Variants in MED12L observed in about 807,000 individuals in gnomAD.
The protein encoded by MED12L is mediator of RNA polymerase II transcription subunit 12-like protein.
A neutral mutation model predicts 281.3 loss-of-function variants in MED12L; 60 were observed. The ratio of observed to expected loss-of-function variants is 0.21; its 90% CI spans 0.17 to 0.26. MED12L has a LOEUF of 0.26. MED12L is among the 10% of genes least tolerant of loss of function. The probability of loss-of-function intolerance (pLI) is 1.00; values close to 1 mark genes in which losing one functional copy is unlikely to be tolerated. For missense variants in MED12L, 2,146 were observed against 2,680.9 expected (o/e 0.80, Z 4.41); for synonymous variants, 974 against 987.2 (o/e 0.99, Z 0.25).
At chr3:151,351,071 G>A (rs914585357) in intron 17 of MED12L, among the ~76,000 whole-genome samples, 11 of 152,068 alleles carry the variant, frequency 7.2e-5, no homozygotes, top group Non-Finnish European at 1.0e-4. Context: ...CCTGCACGTG[G>A]TATAAACCAC....
At chr3:151,235,285 TG>T (rs1161646113) in intron 16 of MED12L, among the ~76,000 whole-genome samples, 2 of 152,214 alleles carry the variant, frequency 1.3e-5, no homozygotes, top group Non-Finnish European at 2.9e-5. Flanking sequence ...TGTAAACTGA[TG>T]GGGGCAGGGC....
intron 43 of MED12L, among the ~76,000 whole-genome samples, chr3:151,422,956 T>TTC (rs1308115730): frequency 6.7e-6 from 1 of 149,144 alleles, no homozygotes; most frequent in Non-Finnish European, 1.5e-5. Flanking sequence ...GAACTAGGTT[T>TTC]TTTTTTTTTA....
rs1755443433 is a variant in MED12L, at chr3:151,367,605, A to G, written c.3328-41A>G. 6 of 1,546,670 alleles carry G rather than the reference A, an allele frequency of 3.9e-6. No homozygotes were observed. The East Asian group carries it at 1.4e-4, about 36-fold the overall frequency. On this transcript the variant is annotated intron_variant, in intron 23 of 44. Coordinates refer to ENST00000687756, the MANE Select transcript of MED12L (RefSeq NM_001393769.1). ...TTATTAATCTTAGATACTGCTTACA[A>G]GGTTGTTAGGTATTAAAACCTGTCA...
rs149610114 is a variant in MED12L at position 151,250,788 on chromosome 3, G to A, written c.2250+57122G>A. Among the ~76,000 whole-genome samples, 594 of 152,270 alleles carry A rather than the reference G, an allele frequency of 3.9e-3. 5 individuals carry two copies. Among genetic ancestry groups the A allele is most frequent in the African/African-American group, 0.014 (577 of 41,552 alleles). On this transcript the variant is annotated intron_variant, in intron 16 of 44. Coordinates refer to ENST00000687756, the MANE Select transcript of MED12L (RefSeq NM_001393769.1). Reference sequence around the variant, plus strand: ...AGTTCTTTTGGTTATGTGCCCAGAAGCAAAATTGCTGGATCATGTGGTAAT... The same window carrying A: ...AGTTCTTTTGGTTATGTGCCCAGAAACAAAATTGCTGGATCATGTGGTAAT...
intron 5 of MED12L, 115 bp from the exon 6 acceptor site, chr3:151,156,046 A>G (rs1719231617): frequency 1.4e-5 from 12 of 851,354 alleles, no homozygotes; most frequent in Admixed American, 3.0e-5. Flanking sequence ...ATTTTTAGGG[A>G]GCAGATGTTT....
intron 11 of MED12L, among the ~76,000 whole-genome samples, chr3:151,180,607 G>A (rs1309120529): frequency 6.6e-6 from 1 of 152,194 alleles, no homozygotes; most frequent in East Asian, 1.9e-4. Flanking sequence ...AACCCCAGTG[G>A]TGACATCTGG....
intron 32 of MED12L, among the ~76,000 whole-genome samples, chr3:151,381,251 C>A (rs1712286091): frequency 6.6e-6 from 1 of 152,156 alleles, no homozygotes; most frequent in Admixed American, 6.5e-5. Flanking sequence ...TGGACATGGA[C>A]AAGGACACTT....
At position 151,085,726 on chromosome 3, in the gene MED12L, G is replaced by A. The variant is rs904366510; in HGVS notation, c.-340G>A. 2 of 152,056 alleles carry A rather than the reference G, an allele frequency of 1.3e-5. No individual in the cohort carries two copies. The highest frequency in any genetic ancestry group is 2.9e-5 in the Non-Finnish European group (2 of 67,978). 9.4% of individuals were successfully genotyped at this position (152,056 alleles called of 1,614,324 possible). A position where few individuals can be genotyped will look rare whatever the true frequency, so the allele number is the denominator to read the frequency against. On this transcript the variant is annotated 5_prime_UTR_variant, in exon 1 of 45. An upstream open reading frame in the 5' UTR gains an earlier in-frame stop. Coordinates refer to ENST00000687756, the MANE Select transcript of MED12L (RefSeq NM_001393769.1). ...CGGAAGCTCGCGCTCCCGGGCCGTGGGGGCGAGAACGCCGGCGGCGAGCCG... is the reference window on the plus strand; with the variant it reads ...CGGAAGCTCGCGCTCCCGGGCCGTGAGGGCGAGAACGCCGGCGGCGAGCCG...
chr3:151,319,091 C>T (rs1214734537), intron 16 of MED12L, among the ~76,000 whole-genome samples: 1 of 152,120 alleles, frequency 6.6e-6, no homozygotes, highest in African/African-American at 2.4e-5. Flanking sequence ...ATGCGTTAGT[C>T]TTAAAGTATA....
intron 22 of MED12L, among the ~76,000 whole-genome samples, 162 bp from the exon 23 acceptor site, chr3:151,365,688 C>G (rs898795778): frequency 7.9e-5 from 12 of 152,186 alleles, no homozygotes; most frequent in Non-Finnish European, 1.6e-4. Context: ...TTATCTTCTT[C>G]TCAAGGTTCT....
intron 16 of MED12L, among the ~76,000 whole-genome samples, chr3:151,231,252 C>A (rs1461787031): frequency 6.6e-6 from 1 of 152,204 alleles, no homozygotes; most frequent in Non-Finnish European, 1.5e-5. Flanking sequence ...ATTTTGCAAC[C>A]TCAGTGTGAT....
chr3:151,277,644 G>A (rs1441624384), intron 16 of MED12L, among the ~76,000 whole-genome samples: 1 of 152,160 alleles, frequency 6.6e-6, no homozygotes, highest in Non-Finnish European at 1.5e-5. Flanking sequence ...AATTTATAAT[G>A]TTTAAAGAAT....
chr3:151,110,882 A>G (rs1711771973), intron 2 of MED12L, among the ~76,000 whole-genome samples: 1 of 152,162 alleles, frequency 6.6e-6, no homozygotes, highest in Non-Finnish European at 1.5e-5. Flanking sequence ...CCAAGATGGG[A>G]CATCCATTTT....
At chr3:151,237,941 G>C (rs1327357470) in intron 16 of MED12L, among the ~76,000 whole-genome samples, 2 of 151,920 alleles carry the variant, frequency 1.3e-5, no homozygotes, top group Non-Finnish European at 2.9e-5. Flanking sequence ...GAATATTGTT[G>C]ATATTTTGTT....
In MED12L at chr3:151,338,103, CAAAT is replaced by C. The variant is rs748448173; in HGVS notation, c.2251-11952_2251-11949del. On this transcript the variant is annotated intron_variant, in intron 16 of 44. Transcript: ENST00000687756. ...TCGGGCAAAATGGAAAGGAACAAAA[CAAAT>C]AAAGAATACAGCAATGATAATGAAA... 1.1e-5 allele frequency: 17 copies of C among 1,613,872 alleles called. No homozygotes were observed. The highest frequency in any genetic ancestry group is 1.3e-5 in the African/African-American group (1 of 74,906).
Position 151,354,140 on chromosome 3 carries a change from CAAAAAAAAA to C in MED12L, c.2399-965_2399-957del, listed in dbSNP as rs63033360. On this transcript the variant is annotated intron_variant, in intron 17 of 44. Transcript: ENST00000687756. ...TGGGCGACAGAGCGAGACTCCGTCTCAAAAAAAAAAAAAAAAAAAAAAAAGAATCACAGT... is the reference window on the plus strand; with the variant it reads ...TGGGCGACAGAGCGAGACTCCGTCTCAAAAAAAAAAAAAAAGAATCACAGT... Among the ~76,000 whole-genome samples the C allele has an allele frequency of 9.5e-5, 6 of 62,842 alleles. 1 individual carries two copies. Among genetic ancestry groups the C allele is most frequent in the East Asian group, 1.2e-3 (2 of 1,724 alleles). The allele number at this position is 62,842 out of a possible 152,430, so 41.2% of individuals were successfully genotyped here.
chr3:151,280,698 G>T (rs1742664951), intron 16 of MED12L, among the ~76,000 whole-genome samples: 1 of 151,856 alleles, frequency 6.6e-6, no homozygotes, highest in Admixed American at 6.6e-5. Context: ...GTGAGGGGTG[G>T]GTAGGGGGCA....
At chr3:151,294,613 G>T in intron 16 of MED12L, 1 of 1,614,172 alleles carries the variant, frequency 6.2e-7, no homozygotes, top group Non-Finnish European at 8.5e-7. Flanking sequence ...ACAAGCAGCT[G>T]TTCACATAGG....
chr3:151,193,322 A>G (rs558236389), intron 15 of MED12L, among the ~76,000 whole-genome samples, 168 bp from the exon 16 acceptor site: 1 of 152,356 alleles, frequency 6.6e-6, no homozygotes, highest in South Asian at 2.1e-4. Context: ...TACTGATCTG[A>G]ATATGAATTT....
Sources: allele counts gnomAD v4.1 joint callset (sites outside exome capture counted in the v4.1 genomes callset), GRCh38; gene constraint gnomAD v4.1.1; transcripts MANE v1.5; gene names NCBI Gene and HGNC (gene_info 2026-07-23, HGNC 2026-07-21).